Variants in DBH observed in about 807,000 individuals in gnomAD.
The protein encoded by DBH is dopamine beta-hydroxylase.
Under a neutral mutation model 64.0 loss-of-function variants are expected in DBH, and 49 were observed. The ratio of observed to expected loss-of-function variants is 0.77; its 90% CI spans 0.61 to 0.97. DBH has a LOEUF of 0.97. Ranked by LOEUF, DBH falls within the 50% of genes least tolerant of loss-of-function variation. The pLI, the probability that DBH is intolerant of heterozygous loss-of-function variation, is 0.00. For synonymous variants in DBH, 343 were observed against 347.1 expected (o/e 0.99, Z 0.13); for missense variants, 828 against 826.6 (o/e 1.00, Z -0.02).
At chr9:133,644,348 A>G in intron 5 of DBH, 28 bp downstream of exon 5, 1 of 1,566,540 alleles carries the variant, frequency 6.4e-7, no homozygotes, top group Admixed American at 1.7e-5. Flanking sequence ...CATCCTCCTC[A>G]GAAGCCCTAG....
intron 5 of DBH, 119 bp downstream of exon 5, chr9:133,644,439 G>C (rs1832157906): frequency 6.0e-6 from 5 of 827,106 alleles, no homozygotes; most frequent in Non-Finnish European, 1.0e-5. Flanking sequence ...GCTCCTCTTG[G>C]CACGAGGCCC....
intron 5 of DBH, among the ~76,000 whole-genome samples, chr9:133,647,213 GT>G (rs1290164206): frequency 6.6e-6 from 1 of 152,228 alleles, no homozygotes; most frequent in East Asian, 1.9e-4. Context: ...AATCAAAGTA[GT>G]AAAAGTGGGG....
At chr9:133,642,517 G>A in intron 3 of DBH, 53 bp downstream of exon 3, 1 of 1,553,592 alleles carries the variant, frequency 6.4e-7, no homozygotes, top group South Asian at 1.2e-5. Context: ...TTCCTCCCGG[G>A]CCTGGGTTGT....
At chr9:133,644,555 G>A (rs990025119) in intron 5 of DBH, among the ~76,000 whole-genome samples, 14 of 152,208 alleles carry the variant, frequency 9.2e-5, no homozygotes, top group African/African-American at 3.4e-4. Context: ...CCCAGCAGTG[G>A]CCCCACACCT....
chr9:133,656,304 T>C lies in DBH; in HGVS notation c.1435-219T>C, dbSNP rs988603910. On this transcript the variant is annotated intron_variant, in intron 9 of 11. Coordinates refer to ENST00000393056, the MANE Select transcript of DBH (RefSeq NM_000787.4). Reference sequence around the variant, plus strand: ...TTTTCCTCACAGCATCATCAGTACCTGATACGAATTTCCTGGTTGACTCAC... The same window carrying C: ...TTTTCCTCACAGCATCATCAGTACCCGATACGAATTTCCTGGTTGACTCAC... The C allele has an allele frequency of 8.6e-6, 5 of 582,624 alleles. No homozygotes were observed. The African/African-American group carries it at 9.3e-5, about 11-fold the overall frequency. 36.1% of individuals were successfully genotyped at this position (582,624 alleles called of 1,614,324 possible). A position where few individuals can be genotyped will look rare whatever the true frequency, so the allele number is the denominator to read the frequency against.
chr9:133,649,873 G>A (rs923725297), intron 6 of DBH, among the ~76,000 whole-genome samples: 7 of 152,240 alleles, frequency 4.6e-5, no homozygotes, highest in East Asian at 3.8e-4. Context: ...ATACAGACCC[G>A]CCTCCCCTTG....
In DBH at chr9:133,658,333, G is replaced by A; in HGVS notation, c.1740G>A (p.Gln580=). 1.2e-6 allele frequency: 2 copies of A among 1,613,888 alleles called. No homozygotes were observed. Among genetic ancestry groups the A allele is most frequent in the Non-Finnish European group, 1.7e-6 (2 of 1,179,898 alleles). ...CCTTGCAGGGTGAATGGAACCTGCA[G>A]CCCCTGCCCAAGGTCATCTCCACAC... is the stretch of plus-strand genomic sequence containing the variant. ...AVRFQGEWNL[Q]PLPKVISTLE... The change falls in exon 12 of 12, where the codon CAG becomes CAA. Residue 580 remains glutamine, a synonymous_variant. Coordinates refer to ENST00000393056, the MANE Select transcript of DBH (RefSeq NM_000787.4).
rs1832371211 is a variant in DBH at position 133,658,786 on chromosome 9, G to A, written c.*339G>A. 5.4e-6 allele frequency: 1 copy of A among 186,126 alleles called. No homozygotes were observed. Among genetic ancestry groups the A allele is most frequent in the Non-Finnish European group, 1.1e-5 (1 of 90,528 alleles). The allele number at this position is 186,126 out of a possible 1,614,324, so 11.5% of individuals were successfully genotyped here. On this transcript the variant is annotated 3_prime_UTR_variant, in exon 12 of 12. Transcript: ENST00000393056. ...TGTTCCGCCTCACTGGGTGTGGCCT[G>A]GCTTCTGGGACAGGCACCATGCTGG...
chr9:133,651,194 C>T (rs545256742), intron 6 of DBH, among the ~76,000 whole-genome samples: 1 of 152,384 alleles, frequency 6.6e-6, no homozygotes, highest in African/African-American at 2.4e-5. Context: ...ACGTAGGGGA[C>T]CTGCCAAGTA....
rs202213535 is a variant in DBH, at chr9:133,647,870, G to T, written c.1049G>T (p.Arg350Leu). 3.1e-6 allele frequency: 5 copies of T among 1,614,194 alleles called. No homozygotes were observed. The highest frequency in any genetic ancestry group is 3.4e-6 in the Non-Finnish European group (4 of 1,180,042). ...GGACGAAACGACTCCTCAGGCATCC[G>T]CTTGTACTACACAGCCAAGCTGCGG... Reference protein sequence around the residue: ...IEGRNDSSGIRLYYTAKLRRF... With the variant: ...IEGRNDSSGILLYYTAKLRRF... Residue 350 changes from arginine to leucine, a missense_variant, in exon 6 of 12, where the codon CGC becomes CTC. Coordinates refer to ENST00000393056, the MANE Select transcript of DBH (RefSeq NM_000787.4).
intron 6 of DBH, among the ~76,000 whole-genome samples, chr9:133,648,366 A>G (rs1437118558): frequency 1.3e-5 from 2 of 151,942 alleles, no homozygotes; most frequent in African/African-American, 4.8e-5. Context: ...CGCTCCCCTC[A>G]TCCGCTGCCG....
rs529693102 is a variant in DBH at position 133,656,811 on chromosome 9, G to A, written c.1562+161G>A. Among the ~76,000 whole-genome samples, 21 of 152,288 alleles carry A rather than the reference G, an allele frequency of 1.4e-4. No individual in the cohort carries two copies. The South Asian group carries it at 1.9e-3, about 14-fold the overall frequency. ...CCTCCCCTCACTCGTTTCCTGCTGAGTCTGGATTTGGCTTCAGAGCCTCCT... is the reference window on the plus strand; with the variant it reads ...CCTCCCCTCACTCGTTTCCTGCTGAATCTGGATTTGGCTTCAGAGCCTCCT... On this transcript the variant is annotated intron_variant, in intron 10 of 11. Coordinates refer to ENST00000393056, the MANE Select transcript of DBH (RefSeq NM_000787.4).
At position 133,651,741 on chromosome 9, in the gene DBH, C is replaced by T. The variant is rs368208047; in HGVS notation, c.1299C>T (p.Ile433=). ...TCCGGGACGGCCGGGAGTGGGAGAT[C>T]GTGAACCAGGACAATCACTACAGCC... ...VLVRDGREWE[I]VNQDNHYSPH... The change falls in exon 7 of 12, where the codon ATC becomes ATT. Residue 433 remains isoleucine (I), a synonymous_variant. Transcript: ENST00000393056. The T allele has an allele frequency of 9.9e-5, 160 of 1,613,320 alleles. No homozygotes were observed. The East Asian group carries it at 1.3e-3, about 13-fold the overall frequency.
At chr9:133,651,545 G>A in intron 6 of DBH, 89 bp from the exon 7 acceptor site, 1 of 1,552,828 alleles carries the variant, frequency 6.4e-7, no homozygotes, top group South Asian at 1.1e-5. Context: ...AAACTGCCCA[G>A]GGTGGCTGCT....
At chr9:133,638,862 GGGTCTCCCTGGT>G (rs1832082130) in intron 1 of DBH, among the ~76,000 whole-genome samples, 1 of 152,172 alleles carries the variant, frequency 6.6e-6, no homozygotes, top group African/African-American at 2.4e-5. Flanking sequence ...GTCTCTCAGT[GGGTCTCCCTGGT>G]GGTCTTCCAT....
At position 133,643,817 on chromosome 9, in the gene DBH, C is replaced by T. The variant is rs1300669159; in HGVS notation, c.921+228C>T. Among the ~76,000 whole-genome samples, 3 of 152,314 alleles carry T rather than the reference C, an allele frequency of 2.0e-5. No homozygotes were observed. Among genetic ancestry groups the T allele is most frequent in the Non-Finnish European group, 1.5e-5 (1 of 68,032 alleles). ...CACAGAAACGCAAGTGCCGCAGGAC[C>T]TTATGCCCTCAGTGGGTCCTGATTC... is the stretch of plus-strand genomic sequence containing the variant. On this transcript the variant is annotated intron_variant, in intron 4 of 11. Transcript: ENST00000393056. The surrounding 1 kb of genome is among the most constrained non-coding windows in gnomAD (Gnocchi z 5.3).
At chr9:133,647,622 G>A (rs765149514) in intron 5 of DBH, among the ~76,000 whole-genome samples, 6 of 152,192 alleles carry the variant, frequency 3.9e-5, no homozygotes, top group Admixed American at 6.5e-5. Context: ...CCCAGTGAGT[G>A]TAGCCTGTTT....
chr9:133,639,997 G>A lies in DBH; in HGVS notation c.486+5G>A, dbSNP rs552589847. 1.2e-6 allele frequency: 2 copies of A among 1,613,794 alleles called. No homozygotes were observed. Among genetic ancestry groups the A allele is most frequent in the Non-Finnish European group, 1.7e-6 (2 of 1,179,934 alleles). On this transcript the variant is annotated splice_donor_5th_base_variant and intron_variant, in intron 2 of 11. Coordinates refer to ENST00000393056, the MANE Select transcript of DBH (RefSeq NM_000787.4). Reference sequence around the variant, plus strand: ...CCCAAGGATTACCTCATTGAAGTAAGGGGTGGCCGCGAGTACCCAGGAGGG... The same window carrying A: ...CCCAAGGATTACCTCATTGAAGTAAAGGGTGGCCGCGAGTACCCAGGAGGG...
At position 133,636,651 on chromosome 9, in the gene DBH, G is replaced by T; in HGVS notation, c.280G>T (p.Glu94Ter). The change falls in exon 1 of 12, where the codon GAG (glutamate) becomes TAG (stop). Residue 94 changes from glutamate to a stop codon, truncating the protein, a stop_gained. Coordinates refer to ENST00000393056, the MANE Select transcript of DBH (RefSeq NM_000787.4). LOFTEE classifies it high-confidence loss of function. ...CCTGTTTGGGATGTCCGACCGTGGC[G>T]AGCTTGAGAACGCAGATCTCGTGGT... is the stretch of plus-strand genomic sequence containing the variant. ...GVLFGMSDRG[E>*]LENADLVVLW... 1 of 1,611,950 alleles carries T rather than the reference G, an allele frequency of 6.2e-7. No individual in the cohort carries two copies.
Sources: gnomAD v4.1 joint callset for allele counts (sites outside exome capture counted in the v4.1 genomes callset) on GRCh38, gnomAD v4.1.1 for gene constraint, Gnocchi (gnomAD v3.1) non-coding constraint, MANE v1.5 for transcripts, NCBI Gene and HGNC (gene_info 2026-07-23, HGNC 2026-07-21) for gene names.